Variants in ZWILCH observed in about 807,000 individuals in gnomAD.
The protein encoded by ZWILCH is zwilch kinetochore protein.
In ZWILCH, 74 loss-of-function variants were observed where a neutral mutation model predicts 79.9. The ratio of observed to expected loss-of-function variants is 0.93; its 90% CI spans 0.77 to 1.12. The LOEUF (loss-of-function observed/expected upper bound fraction) is 1.12, where lower values mean the gene tolerates loss of function less well. ZWILCH is among the 50% of genes most tolerant of loss of function. The pLI is 0.00. For missense variants in ZWILCH, 694 were observed against 687.5 expected (o/e 1.01, Z -0.11); for synonymous variants, 241 against 228.2 (o/e 1.06, Z -0.51).
At chr15:66,534,657 G>A (rs978703674) in intron 14 of ZWILCH, among the ~76,000 whole-genome samples, 1 of 152,048 alleles carries the variant, frequency 6.6e-6, no homozygotes, top group African/African-American at 2.4e-5. Flanking sequence ...CATAGAAGGG[G>A]TACAGTAAAA....
Position 66,538,677 on chromosome 15 carries a change from G to C in ZWILCH, c.1574+1414G>C, listed in dbSNP as rs375991746. On this transcript the variant is annotated intron_variant, in intron 16 of 18. Coordinates refer to ENST00000307897, the MANE Select transcript of ZWILCH (RefSeq NM_017975.5). ...ATTACAGGTGTGAGCCACCATGCTC[G>C]GTCTACTTCAGTAAGCACGTATAAG... Among the ~76,000 whole-genome samples the C allele has an allele frequency of 9.9e-5, 15 of 152,098 alleles. No homozygotes were observed. In the East Asian group the frequency reaches 1.9e-3, roughly 20 times the overall value.
At chr15:66,514,829 G>C (rs1434042165) in intron 3 of ZWILCH, among the ~76,000 whole-genome samples, 1 of 152,190 alleles carries the variant, frequency 6.6e-6, no homozygotes, top group Non-Finnish European at 1.5e-5. Flanking sequence ...AAGACTGTGG[G>C]CCTAAGGTTA....
chr15:66,527,820 A>G, intron 9 of ZWILCH, 37 bp from the exon 10 acceptor site: 1 of 1,570,120 alleles, frequency 6.4e-7, no homozygotes, highest in African/African-American at 1.4e-5. Flanking sequence ...TGGAAAGCAG[A>G]AAAATCAAGA....
chr15:66,535,952 CA>C lies in ZWILCH; in HGVS notation c.1362del (p.Val455Ter). 6.2e-7 allele frequency: 1 copy of C among 1,606,796 alleles called. No individual in the cohort carries two copies. Among genetic ancestry groups the C allele is most frequent in the Non-Finnish European group, 8.5e-7 (1 of 1,178,156 alleles). On this transcript the variant is annotated frameshift_variant, in exon 15 of 19. Transcript: ENST00000307897. LOFTEE classifies it high-confidence loss of function. ...TTCCAGGAATACTTCATTGCTCCATCAGTAGATATACAAGAACAGGTTTATC... is the reference window on the plus strand; with the variant it reads ...TTCCAGGAATACTTCATTGCTCCATCGTAGATATACAAGAACAGGTTTATC... ...LNHLEYFIAPSVDIQEQVYRV... is the reference protein window; with the variant it reads ...LNHLEYFIAPXVDIQEQVYRV...
chr15:66,538,084 T>A (rs552201526), intron 16 of ZWILCH, among the ~76,000 whole-genome samples: 2 of 152,190 alleles, frequency 1.3e-5, no homozygotes, highest in Non-Finnish European at 2.9e-5. Flanking sequence ...GAGGCTGAGA[T>A]GATAGATTGT....
chr15:66,522,937 C>T (rs529477724), intron 7 of ZWILCH, among the ~76,000 whole-genome samples: 2 of 152,132 alleles, frequency 1.3e-5, no homozygotes, highest in Non-Finnish European at 2.9e-5. Flanking sequence ...ATTCTCCTGC[C>T]TCAGCCTCCT....
rs1894708989 is a variant in ZWILCH, at chr15:66,527,394, T to A, written c.913+11T>A. The A allele has an allele frequency of 1.2e-6, 2 of 1,602,954 alleles. No homozygotes were observed. Among genetic ancestry groups the A allele is most frequent in the South Asian group, 2.2e-5 (2 of 90,530 alleles). On this transcript the variant is annotated intron_variant, in intron 9 of 18. Coordinates refer to ENST00000307897, the MANE Select transcript of ZWILCH (RefSeq NM_017975.5). The stretch of plus-strand genomic sequence containing the variant: ...AGGAATTTCTGAATGGTGTATTACT[T>A]GTTTTATTAATTGAGAATTTATACT...
chr15:66,537,106 C>T, intron 15 of ZWILCH, 62 bp from the exon 16 acceptor site: 1 of 1,336,840 alleles, frequency 7.5e-7, no homozygotes, highest in Non-Finnish European at 1.1e-6. Flanking sequence ...CTTTAGACTA[C>T]CAGAAAAACG....
Position 66,527,931 on chromosome 15 carries a change from T to G in ZWILCH, c.969+19T>G. ...GGTTGAGGTAAGTGATTATTATCAG[T>G]TAGAAATATACACAGAAATAGCTTT... On this transcript the variant is annotated intron_variant, in intron 10 of 18. Coordinates refer to ENST00000307897, the MANE Select transcript of ZWILCH (RefSeq NM_017975.5). 1 of 1,583,474 alleles carries G rather than the reference T, an allele frequency of 6.3e-7. No individual in the cohort carries two copies. Among genetic ancestry groups the G allele is most frequent in the Non-Finnish European group, 8.6e-7 (1 of 1,166,386 alleles).
chr15:66,518,848 T>C (rs745978499), intron 4 of ZWILCH, 31 bp from the exon 5 acceptor site: 1 of 1,583,182 alleles, frequency 6.3e-7, no homozygotes, highest in Admixed American at 1.7e-5. Flanking sequence ...GAAATCTCTA[T>C]CTATAATTTG....
At chr15:66,523,454 TAGAA>T (rs1291354972) in intron 7 of ZWILCH, 20 of 424,786 alleles carry the variant, frequency 4.7e-5, no homozygotes, top group Non-Finnish European at 4.6e-5. Flanking sequence ...GTTTATGTCA[TAGAA>T]AGAGGATAAG....
intron 10 of ZWILCH, 52 bp downstream of exon 10, chr15:66,527,964 C>G: frequency 6.8e-7 from 1 of 1,475,916 alleles, no homozygotes; most frequent in Non-Finnish European, 9.2e-7. Flanking sequence ...TTTTAAAATT[C>G]GGTTATGCTG....
At chr15:66,520,765 T>G in intron 6 of ZWILCH, 105 bp downstream of exon 6, 1 of 784,048 alleles carries the variant, frequency 1.3e-6, no homozygotes, top group Non-Finnish European at 2.0e-6. Flanking sequence ...GATATTTTTC[T>G]GTAGTATGAA....
At position 66,533,013 on chromosome 15, in the gene ZWILCH, G is replaced by A; in HGVS notation, c.1341G>A (p.Leu447=). Residue 447 remains leucine (L), a splice_region_variant and synonymous_variant, in exon 14 of 19, where the codon TTG becomes TTA. Coordinates refer to ENST00000307897, the MANE Select transcript of ZWILCH (RefSeq NM_017975.5). The part of the protein sequence containing the change: ...IGQELASLNH[L]EYFIAPSVDI... ...AGGAACTTGCATCTTTGAATCATTT[G>A]GTGAGTTTATTTTTTTATTCTAAAA... 6.3e-7 allele frequency: 1 copy of A among 1,576,064 alleles called. No individual in the cohort carries two copies. The highest frequency in any genetic ancestry group is 8.6e-7 in the Non-Finnish European group (1 of 1,157,960).
intron 16 of ZWILCH, among the ~76,000 whole-genome samples, chr15:66,538,388 T>C (rs1211393987): frequency 1.1e-5 from 1 of 95,088 alleles, no homozygotes; most frequent in Non-Finnish European, 2.2e-5. Flanking sequence ...AGTAAGCACT[T>C]TTTTTTTTTT....
chr15:66,532,859 T>C, intron 13 of ZWILCH, 126 bp from the exon 14 acceptor site: 2 of 659,980 alleles, frequency 3.0e-6, no homozygotes, highest in Non-Finnish European at 4.5e-6. Context: ...ATAAAAAATT[T>C]ATATAGATTC....
chr15:66,522,643 C>A (rs1338789461), intron 7 of ZWILCH, among the ~76,000 whole-genome samples: 1 of 151,926 alleles, frequency 6.6e-6, no homozygotes, highest in Non-Finnish European at 1.5e-5. Context: ...TATATACAGT[C>A]TCTAAAAGCC....
At position 66,548,516 on chromosome 15, in the gene ZWILCH, T is replaced by C; in HGVS notation, c.*192T>C. 1.2e-6 allele frequency: 2 copies of C among 1,609,962 alleles called. No homozygotes were observed. Among genetic ancestry groups the C allele is most frequent in the Non-Finnish European group, 1.7e-6 (2 of 1,176,492 alleles). On this transcript the variant is annotated 3_prime_UTR_variant, in exon 19 of 19. Transcript: ENST00000307897. ...CAGCTCTGCCTCCTCAGGAGGAGCA[T>C]TAGTAGAACAGCAGTGATGAGGACA...
chr15:66,515,465 G>T (rs1211292772), intron 3 of ZWILCH, 61 bp from the exon 4 acceptor site: 1 of 977,224 alleles, frequency 1.0e-6, no homozygotes, highest in East Asian at 2.4e-5. Context: ...GCATAGTAAA[G>T]AGTCAGCTGC....
Sources: gnomAD v4.1 joint callset for allele counts (sites outside exome capture counted in the v4.1 genomes callset) on GRCh38, gnomAD v4.1.1 for gene constraint, MANE v1.5 for transcripts, NCBI Gene and HGNC (gene_info 2026-07-23, HGNC 2026-07-21) for gene names.